The following DRAM1 variants were observed in gnomAD, a reference collection of about 807,000 sequenced individuals.
The protein encoded by DRAM1 is DNA damage regulated autophagy modulator 1.
A neutral mutation model predicts 28.5 loss-of-function variants in DRAM1; 25 were observed. The observed-to-expected ratio is 0.88, with a 90% CI of 0.64 to 1.23. The LOEUF is 1.23. DRAM1 is among the 50% of genes most tolerant of loss of function. DRAM1 has a pLI of 0.00. For synonymous variants in DRAM1, 113 were observed against 114.2 expected, an observed-to-expected ratio of 0.99 and a Z score of 0.07; for missense variants, 249 against 299.2, an observed-to-expected ratio of 0.83 and a Z score of 1.24.
intron 5 of DRAM1, among the ~76,000 whole-genome samples, chr12:101,919,273 GAC>G (rs570496558): frequency 3.4e-5 from 5 of 148,828 alleles, no homozygotes; most frequent in African/African-American, 1.0e-4. Flanking sequence ...CAGACACACA[GAC>G]ACACACACGC....
intron 1 of DRAM1, among the ~76,000 whole-genome samples, chr12:101,883,933 CAA>C (rs1278466703): frequency 2.6e-5 from 3 of 114,954 alleles, no homozygotes; most frequent in Admixed American, 8.3e-5. Flanking sequence ...GACTCTTTCT[CAA>C]AAAAAAAAAA....
At chr12:101,903,256 T>G (rs1873669799) in intron 3 of DRAM1, among the ~76,000 whole-genome samples, 1 of 152,212 alleles carries the variant, frequency 6.6e-6, no homozygotes, top group South Asian at 2.1e-4. Flanking sequence ...TTTGAGAATT[T>G]CACAGATAAT....
At chr12:101,887,038 G>A (rs1477235545) in intron 1 of DRAM1, among the ~76,000 whole-genome samples, 1 of 151,868 alleles carries the variant, frequency 6.6e-6, no homozygotes, top group East Asian at 1.9e-4. Flanking sequence ...CCAGCTACTC[G>A]GGAGGCTGAG....
In DRAM1 at chr12:101,901,355, C is replaced by T. The variant is rs762226665; in HGVS notation, c.264C>T (p.Ser88=). The part of the protein sequence containing the change: ...VQKQNQTCYF[S]TPVFNLVSLV... ...AGCAAAATCAAACCTGCTATTTCAG[C>T]ACTCCTGTTTTTAACTTGGTGTCTT... The change falls in exon 3 of 7, where the codon AGC becomes AGT. Residue 88 remains serine, a synonymous_variant. Coordinates refer to ENST00000258534, the MANE Select transcript of DRAM1 (RefSeq NM_018370.3). 1 of 1,614,124 alleles carries T rather than the reference C, an allele frequency of 6.2e-7. No individual in the cohort carries two copies. Among genetic ancestry groups the T allele is most frequent in the Non-Finnish European group, 8.5e-7 (1 of 1,180,012 alleles).
At position 101,891,626 on chromosome 12, in the gene DRAM1, C is replaced by T. The variant is rs78863372; in HGVS notation, c.132-6237C>T. Among the ~76,000 whole-genome samples the T allele has an allele frequency of 8.7e-3, 1,331 of 152,328 alleles. 16 individuals carry two copies. Among genetic ancestry groups the T allele is most frequent in the Non-Finnish European group, 0.012 (822 of 68,030 alleles). ...AGGAAATGTGGACATAAACGGATTT[C>T]CTAGGCACAACCTACCCCTAAAATA... On this transcript the variant is annotated intron_variant, in intron 1 of 6. Transcript: ENST00000258534.
intron 1 of DRAM1, among the ~76,000 whole-genome samples, chr12:101,889,756 A>G (rs1224124946): frequency 3.3e-5 from 5 of 152,094 alleles, no homozygotes; most frequent in African/African-American, 1.2e-4. Flanking sequence ...CCTGGCCAAC[A>G]TGATGAAACC....
chr12:101,908,360 C>T lies in DRAM1; in HGVS notation c.517C>T (p.Pro173Ser). 4 of 1,601,586 alleles carry T rather than the reference C, an allele frequency of 2.5e-6. No homozygotes were observed. Among genetic ancestry groups the T allele is most frequent in the Non-Finnish European group, 3.4e-6 (4 of 1,176,226 alleles). The change falls in exon 4 of 7, where the codon CCC (proline) becomes TCC (serine). Residue 173 changes from proline to serine, a missense_variant. Transcript: ENST00000258534. ...ISAVSCAAVI[P>S]MIVCASLISI... ...TGCCGTTTCTTGCGCAGCTGTCATC[C>T]CCAGTATCCTTTTTCACATTTGTGC...
At chr12:101,892,240 T>A (rs1004426622) in intron 1 of DRAM1, among the ~76,000 whole-genome samples, 11 of 150,508 alleles carry the variant, frequency 7.3e-5, no homozygotes, top group Admixed American at 2.0e-4. Context: ...ATTTTATTTT[T>A]TATTTTTTTT....
intron 1 of DRAM1, among the ~76,000 whole-genome samples, chr12:101,885,117 G>T (rs1872839507): frequency 1.3e-5 from 2 of 152,074 alleles, no homozygotes; most frequent in Non-Finnish European, 2.9e-5. Flanking sequence ...ATTTTTAGTA[G>T]ACACGGGGTT....
chr12:101,910,958 A>G (rs74241005), intron 4 of DRAM1, among the ~76,000 whole-genome samples: 14,324 of 152,020 alleles, frequency 0.094, 1,347 homozygotes, highest in East Asian at 0.24. Flanking sequence ...TAAATAGGCT[A>G]GGTGCGGTGA....
chr12:101,902,803 A>G (rs1399638020), intron 3 of DRAM1, among the ~76,000 whole-genome samples: 2 of 152,236 alleles, frequency 1.3e-5, no homozygotes, highest in African/African-American at 4.8e-5. Flanking sequence ...GTATCTTTAC[A>G]ACTTCCTTGT....
At chr12:101,881,584 A>G (rs2044062826) in intron 1 of DRAM1, among the ~76,000 whole-genome samples, 2 of 152,134 alleles carry the variant, frequency 1.3e-5, no homozygotes, top group Admixed American at 6.6e-5. Context: ...TGTCTTAAAC[A>G]CATCAAGCAC....
intron 3 of DRAM1, among the ~76,000 whole-genome samples, chr12:101,906,306 GT>G (rs1873806843): frequency 6.6e-6 from 1 of 150,878 alleles, no homozygotes; most frequent in South Asian, 2.1e-4. Flanking sequence ...CAATTCATTT[GT>G]GCTCCAGCTT....
chr12:101,921,164 G>T, intron 6 of DRAM1, 52 bp from the exon 7 acceptor site: 3 of 1,295,616 alleles, frequency 2.3e-6, no homozygotes, highest in Non-Finnish European at 3.4e-6. Context: ...CATTGTCAAC[G>T]CTGGGATTGT....
intron 1 of DRAM1, among the ~76,000 whole-genome samples, chr12:101,893,116 T>G (rs1346785477): frequency 6.6e-6 from 1 of 152,122 alleles, no homozygotes; most frequent in Non-Finnish European, 1.5e-5. Context: ...AATTATAGCA[T>G]TTGAGGAGTT....
In DRAM1 at chr12:101,915,180, C is replaced by T. The variant is rs1013442768; in HGVS notation, c.579+948C>T. 5.9e-5 allele frequency among the ~76,000 whole-genome samples: 9 copies of T among 151,558 alleles called. No individual in the cohort carries two copies. In the East Asian group the frequency reaches 7.8e-4, roughly 13 times the overall value. ...ATTTTTAGTAGAGATGGGGTTTCAC[C>T]GTATTAGCCAGGATGGTCTCGATCT... is the stretch of plus-strand genomic sequence containing the variant. On this transcript the variant is annotated intron_variant, in intron 5 of 6. Coordinates refer to ENST00000258534, the MANE Select transcript of DRAM1 (RefSeq NM_018370.3).
At chr12:101,919,371 G>A (rs1478354076) in intron 5 of DRAM1, among the ~76,000 whole-genome samples, 1 of 151,870 alleles carries the variant, frequency 6.6e-6, no homozygotes, top group African/African-American at 2.4e-5. Context: ...GAATTGAGCT[G>A]ATGAGGCGTG....
intron 1 of DRAM1, among the ~76,000 whole-genome samples, chr12:101,882,379 G>A (rs1169965292): frequency 6.6e-6 from 1 of 150,968 alleles, no homozygotes; most frequent in African/African-American, 2.4e-5. Context: ...CAAAGTGCTG[G>A]GATTACAGGC....
At chr12:101,899,681 CAAAA>C (rs55642593) in intron 2 of DRAM1, among the ~76,000 whole-genome samples, 3 of 102,740 alleles carry the variant, frequency 2.9e-5, no homozygotes, top group African/African-American at 3.4e-5. Flanking sequence ...CCTGTCTCCA[CAAAA>C]AAAAAAAAAA....
Sources: gnomAD v4.1 joint callset for allele counts (sites outside exome capture counted in the v4.1 genomes callset) on GRCh38, gnomAD v4.1.1 for gene constraint, MANE v1.5 for transcripts, NCBI Gene and HGNC (gene_info 2026-07-23, HGNC 2026-07-21) for gene names.